RPS6KC1: variants seen among roughly 807,000 people sequenced by gnomAD.
The protein encoded by RPS6KC1 is inactive ribosomal protein S6 kinase delta-1.
Under a neutral mutation model 103.8 loss-of-function variants are expected in RPS6KC1, and 54 were observed. The observed-to-expected ratio is 0.52, with a 90% confidence interval of 0.42 to 0.65. The LOEUF is 0.65. Among genes scored for constraint, RPS6KC1 ranks in the 30% least tolerant of loss-of-function variants. RPS6KC1 has a pLI of 0.00. For synonymous variants in RPS6KC1, 439 were observed against 438.7 expected, an observed-to-expected ratio of 1.00 and a Z score of -0.01; for missense variants, 1,151 against 1,253.8, an observed-to-expected ratio of 0.92 and a Z score of 1.24.
chr1:213,525,258 A>G, the RPS6KC1 span, among the ~76,000 whole-genome samples: 3 of 152,212 alleles, frequency 2.0e-5, no homozygotes, highest in African/African-American at 7.2e-5. Flanking sequence ...GTAGAGAGAC[A>G]GTATTTACTG....
the RPS6KC1 span, among the ~76,000 whole-genome samples, chr1:213,842,637 C>T: frequency 6.6e-6 from 1 of 152,176 alleles, no homozygotes; most frequent in East Asian, 1.9e-4. Flanking sequence ...CCATGGTCTT[C>T]AGACATTGAA....
At chr1:213,780,570 C>A in the RPS6KC1 span, among the ~76,000 whole-genome samples, 1 of 152,210 alleles carries the variant, frequency 6.6e-6, no homozygotes, top group Non-Finnish European at 1.5e-5. Context: ...GAATTCTCTT[C>A]TTATAGGCTA....
At chr1:213,716,997 A>G in the RPS6KC1 span, among the ~76,000 whole-genome samples, 1 of 152,274 alleles carries the variant, frequency 6.6e-6, no homozygotes, top group Non-Finnish European at 1.5e-5. Context: ...TTATAGGCTC[A>G]GAATCAGAAG....
the RPS6KC1 span, among the ~76,000 whole-genome samples, chr1:213,298,744 A>G: frequency 1.3e-5 from 2 of 151,908 alleles, no homozygotes; most frequent in Admixed American, 1.3e-4. Flanking sequence ...ATTTTATAGC[A>G]TCTTATTCTT....
the RPS6KC1 span, among the ~76,000 whole-genome samples, chr1:213,775,898 C>A: frequency 6.6e-6 from 1 of 152,216 alleles, no homozygotes; most frequent in African/African-American, 2.4e-5. Flanking sequence ...CCTTTCTTAT[C>A]ATTTCCACAA....
chr1:213,481,499 G>A, the RPS6KC1 span, among the ~76,000 whole-genome samples: 1 of 152,064 alleles, frequency 6.6e-6, no homozygotes, highest in Non-Finnish European at 1.5e-5. Context: ...TTTAATTTAT[G>A]TATTGTTCTT....
At chr1:213,170,271 G>C (rs1330910074) in intron 7 of RPS6KC1, among the ~76,000 whole-genome samples, 1 of 152,118 alleles carries the variant, frequency 6.6e-6, no homozygotes, top group Non-Finnish European at 1.5e-5. Context: ...CTCCTGTATA[G>C]TTTTAACTAG....
intron 10 of RPS6KC1, among the ~76,000 whole-genome samples, chr1:213,237,684 A>C (rs1004118672): frequency 1.3e-5 from 2 of 152,104 alleles, no homozygotes; most frequent in African/African-American, 4.8e-5. Flanking sequence ...CTTACTTTGC[A>C]ATCTTATAGA....
At chr1:213,653,656 A>G in the RPS6KC1 span, among the ~76,000 whole-genome samples, 7 of 152,184 alleles carry the variant, frequency 4.6e-5, no homozygotes, top group African/African-American at 1.7e-4. Flanking sequence ...AATTGATCAT[A>G]TCTATCTCTC....
chr1:213,746,126 G>A, the RPS6KC1 span, among the ~76,000 whole-genome samples: 2 of 152,178 alleles, frequency 1.3e-5, no homozygotes, highest in African/African-American at 4.8e-5. Flanking sequence ...AGAGAAGATG[G>A]GCAATAAGCA....
the RPS6KC1 span, among the ~76,000 whole-genome samples, chr1:213,312,271 A>C: frequency 1.7e-4 from 26 of 152,200 alleles, no homozygotes; most frequent in African/African-American, 6.3e-4. Context: ...ACTGCACCCC[A>C]TGGCAGGCTG....
At chr1:213,104,976 G>A (rs900382568) in intron 4 of RPS6KC1, among the ~76,000 whole-genome samples, 1 of 151,814 alleles carries the variant, frequency 6.6e-6, no homozygotes, top group Non-Finnish European at 1.5e-5. Flanking sequence ...AAAAAATGAA[G>A]CATCATAAAA....
chr1:213,117,276 C>G lies in RPS6KC1; in HGVS notation c.379-41C>G, dbSNP rs573831740. ...TATTTTTTATTTAGTGTTGTTTATG[C>G]TCTTAATGCTAATGAAACACAATTG... On this transcript the variant is annotated intron_variant, in intron 4 of 14. Transcript: ENST00000366960. 20 of 1,161,238 alleles carry G rather than the reference C, an allele frequency of 1.7e-5. No individual in the cohort carries two copies. In the Admixed American group the frequency reaches 3.6e-4, roughly 21 times the overall value. The allele number at this position is 1,161,238 out of a possible 1,614,324, so 71.9% of individuals were successfully genotyped here.
chr1:213,583,428 GTC>G, the RPS6KC1 span, among the ~76,000 whole-genome samples: 4 of 152,288 alleles, frequency 2.6e-5, no homozygotes, highest in South Asian at 2.1e-4. Flanking sequence ...CAGATTGGGA[GTC>G]TGCTTGACTG....
At chr1:213,812,437 G>A in the RPS6KC1 span, among the ~76,000 whole-genome samples, 1 of 152,056 alleles carries the variant, frequency 6.6e-6, no homozygotes, top group African/African-American at 2.4e-5. Flanking sequence ...CACAGTGTAT[G>A]AAAAAAATTG....
the RPS6KC1 span, among the ~76,000 whole-genome samples, chr1:213,521,020 G>A: frequency 2.0e-5 from 3 of 152,104 alleles, no homozygotes; most frequent in African/African-American, 7.2e-5. Flanking sequence ...CAGAATATAT[G>A]ATATGAATAC....
At chr1:213,278,553 T>G (rs186736527), downstream of RPS6KC1, among the ~76,000 whole-genome samples, 7 of 152,316 alleles carry the variant, frequency 4.6e-5, no homozygotes, top group East Asian at 1.4e-3. Flanking sequence ...TAAGAAAACT[T>G]CTTTAAAATT....
chr1:213,667,068 A>ATTGTGCCC, the RPS6KC1 span, among the ~76,000 whole-genome samples: 1 of 152,210 alleles, frequency 6.6e-6, no homozygotes, highest in African/African-American at 2.4e-5. Flanking sequence ...ACAGGTTTGT[A>ATTGTGCCC]AGTCACACCT....
the RPS6KC1 span, among the ~76,000 whole-genome samples, chr1:213,828,623 T>C: frequency 6.6e-6 from 1 of 152,146 alleles, no homozygotes; most frequent in African/African-American, 2.4e-5. Context: ...CTACGTGGCA[T>C]TGGAATTCAT....
Sources: gnomAD v4.1 joint callset for allele counts (sites outside exome capture counted in the v4.1 genomes callset) on GRCh38, gnomAD v4.1.1 for gene constraint, MANE v1.5 for transcripts, NCBI Gene and HGNC (gene_info 2026-07-23, HGNC 2026-07-21) for gene names.